CFAP206: variants seen among roughly 807,000 people sequenced by gnomAD.
CFAP206 encodes cilia and flagella associated protein 206.
A neutral mutation model predicts 65.4 loss-of-function variants in CFAP206; 53 were observed. The ratio of observed to expected loss-of-function variants is 0.81; its 90% CI spans 0.65 to 1.02. CFAP206 has a LOEUF of 1.02. Ranked by LOEUF, CFAP206 falls within the 50% of genes least tolerant of loss-of-function variation. CFAP206 has a pLI of 0.00. For missense variants in CFAP206, 663 were observed against 753.2 expected (o/e 0.88, Z 1.40); for synonymous variants, 250 against 254.4 (o/e 0.98, Z 0.17).
intron 2 of CFAP206, 71 bp downstream of exon 2, chr6:87,410,018 T>A (rs6915562): frequency 2.0e-6 from 2 of 1,014,746 alleles, no homozygotes; most frequent in East Asian, 2.5e-5. Context: ...CATTTTCCCC[T>A]TTAAATTCTG....
intron 3 of CFAP206, among the ~76,000 whole-genome samples, chr6:87,411,869 C>A (rs540808042): frequency 6.6e-6 from 1 of 152,262 alleles, no homozygotes; most frequent in East Asian, 1.9e-4. Context: ...CAATGAGATA[C>A]AATCTTACAC....
Position 87,408,428 on chromosome 6 carries a change from T to A in CFAP206, c.-6+339T>A, listed in dbSNP as rs1016656380. 5 of 152,278 alleles carry A rather than the reference T, an allele frequency of 3.3e-5. 1 individual carries two copies. Among genetic ancestry groups the A allele is most frequent in the Non-Finnish European group, 5.9e-5 (4 of 68,062 alleles). 9.4% of individuals were successfully genotyped at this position (152,278 alleles called of 1,614,324 possible). On this transcript the variant is annotated intron_variant, in intron 1 of 12. Transcript: ENST00000369562. ...GGTGCAGGGAAGGTGCTGAGCCGCGTCCCTAGCGACCCGGCAGCGGCGCGC... is the reference window on the plus strand; with the variant it reads ...GGTGCAGGGAAGGTGCTGAGCCGCGACCCTAGCGACCCGGCAGCGGCGCGC...
At chr6:87,422,765 A>C (rs1413517294) in intron 7 of CFAP206, among the ~76,000 whole-genome samples, 4 of 151,012 alleles carry the variant, frequency 2.6e-5, no homozygotes, top group Non-Finnish European at 5.9e-5. Context: ...AAAAAAAAAC[A>C]AAACAAACAA....
intron 11 of CFAP206, among the ~76,000 whole-genome samples, chr6:87,454,064 A>G (rs531019688): frequency 3.1e-4 from 47 of 152,324 alleles, no homozygotes; most frequent in African/African-American, 1.1e-3. Context: ...CATGCAAATG[A>G]AAACCAAAAA....
intron 7 of CFAP206, 143 bp downstream of exon 7, chr6:87,418,559 C>A: frequency 3.0e-6 from 2 of 656,726 alleles, no homozygotes; most frequent in East Asian, 2.7e-5. Flanking sequence ...AGTTAGGAAT[C>A]AAAATAGAAA....
At chr6:87,448,075 A>G (rs755891574) in intron 11 of CFAP206, among the ~76,000 whole-genome samples, 1 of 151,378 alleles carries the variant, frequency 6.6e-6, no homozygotes, top group Non-Finnish European at 1.5e-5. Context: ...TATCTACATT[A>G]TGTGTTTCTC....
intron 9 of CFAP206, among the ~76,000 whole-genome samples, chr6:87,430,124 C>T (rs1230596829): frequency 6.6e-6 from 1 of 152,100 alleles, no homozygotes; most frequent in East Asian, 1.9e-4. Context: ...CAGTGTTGTT[C>T]TAAAAGAATT....
chr6:87,440,998 C>T (rs1374312229), intron 11 of CFAP206, among the ~76,000 whole-genome samples: 1 of 152,124 alleles, frequency 6.6e-6, no homozygotes, highest in Non-Finnish European at 1.5e-5. Flanking sequence ...TAGTATGTAG[C>T]TCTTTGATAT....
intron 8 of CFAP206, among the ~76,000 whole-genome samples, chr6:87,428,124 A>G (rs1231334329): frequency 6.6e-6 from 1 of 150,794 alleles, no homozygotes; most frequent in Non-Finnish European, 1.5e-5. Flanking sequence ...GGTAGCTGGG[A>G]TTGTAGGTGC....
chr6:87,461,172 A>G lies in CFAP206; in HGVS notation c.1638+7A>G, dbSNP rs1768741655. ...AAGAAAAGCTATAAAATTGGTTTGT[A>G]ACAATACTTTCTAGAATTATTTATA... On this transcript the variant is annotated splice_region_variant and intron_variant, in intron 12 of 12. Coordinates refer to ENST00000369562, the MANE Select transcript of CFAP206 (RefSeq NM_001031743.3). The G allele has an allele frequency of 1.3e-6, 2 of 1,529,206 alleles. No individual in the cohort carries two copies. Among genetic ancestry groups the G allele is most frequent in the African/African-American group, 1.4e-5 (1 of 70,044 alleles). 94.7% of individuals were successfully genotyped at this position (1,529,206 alleles called of 1,614,324 possible). A position where few individuals can be genotyped will look rare whatever the true frequency, so the allele number is the denominator to read the frequency against.
intron 1 of CFAP206, chr6:87,408,858 T>C (rs1767675891): frequency 6.6e-6 from 1 of 152,260 alleles, no homozygotes; most frequent in African/African-American, 2.4e-5. Context: ...TAGTGCTTCG[T>C]ACTCATCCAT....
At chr6:87,420,422 T>C (rs1215008765) in intron 7 of CFAP206, among the ~76,000 whole-genome samples, 1 of 152,228 alleles carries the variant, frequency 6.6e-6, no homozygotes, top group African/African-American at 2.4e-5. Flanking sequence ...GCGTTCTACT[T>C]CTCACAGCTG....
chr6:87,434,906 A>C lies in CFAP206; in HGVS notation c.1347A>C (p.Thr449=). The C allele has an allele frequency of 6.6e-7, 1 of 1,512,606 alleles. No individual in the cohort carries two copies. Among genetic ancestry groups the C allele is most frequent in the Non-Finnish European group, 9.1e-7 (1 of 1,103,706 alleles). 93.7% of individuals were successfully genotyped at this position (1,512,606 alleles called of 1,614,324 possible). The stretch of plus-strand genomic sequence containing the variant: ...TAAAATATAAAGAAAAATATTACAC[A>C]TTCAATAGTAAAGATGCTGCATATT... ...GILKYKEKYY[T]FNSKDAAYSF... The change falls in exon 11 of 13, where the codon ACA becomes ACC. Residue 449 remains threonine, a synonymous_variant. Coordinates refer to ENST00000369562, the MANE Select transcript of CFAP206 (RefSeq NM_001031743.3).
rs1350592896 is a variant in CFAP206, at chr6:87,461,069, AAGT to A, written c.1545_1547del (p.Ser516del). On this transcript the variant is annotated inframe_deletion, in exon 12 of 13. Transcript: ENST00000369562. The stretch of plus-strand genomic sequence containing the variant: ...ATATAAAACCAATTACAAAATGTGA[AAGT>A]AGCACACAGACGAATACACACATAC... 4.4e-6 allele frequency: 7 copies of A among 1,590,716 alleles called. No homozygotes were observed. Among genetic ancestry groups the A allele is most frequent in the Admixed American group, 3.7e-5 (2 of 54,502 alleles).
Position 87,428,631 on chromosome 6 carries a change from C to A in CFAP206, c.966C>A (p.Ile322=). The part of the protein sequence containing the change: ...IAVPTSQVFP[I]FIALSTLWTS... ...ATTTTTTTTCTCTTCCTCAGCCTAT[C>A]TTCATTGCACTTTCTACTCTGTGGA... The change falls in exon 9 of 13, where the codon ATC becomes ATA. Residue 322 remains isoleucine (I), a synonymous_variant. Coordinates refer to ENST00000369562, the MANE Select transcript of CFAP206 (RefSeq NM_001031743.3). The A allele has an allele frequency of 6.2e-7, 1 of 1,613,954 alleles. No individual in the cohort carries two copies. Among genetic ancestry groups the A allele is most frequent in the Non-Finnish European group, 8.5e-7 (1 of 1,179,912 alleles).
In CFAP206 at chr6:87,435,054, G is replaced by A; in HGVS notation, c.1494+1G>A. The stretch of plus-strand genomic sequence containing the variant: ...TGAAACATTTATTCCATATTCTCAG[G>A]TAAGCAGGGTCAATATTTTATGAAT... On this transcript the variant is annotated splice_donor_variant, in intron 11 of 12. Coordinates refer to ENST00000369562, the MANE Select transcript of CFAP206 (RefSeq NM_001031743.3). LOFTEE classifies it high-confidence loss of function. 4 of 1,553,708 alleles carry A rather than the reference G, an allele frequency of 2.6e-6. No individual in the cohort carries two copies. The highest frequency in any genetic ancestry group is 2.6e-6 in the Non-Finnish European group (3 of 1,144,490).
At chr6:87,410,156 T>C (rs757960556) in intron 2 of CFAP206, among the ~76,000 whole-genome samples, 13 of 152,228 alleles carry the variant, frequency 8.5e-5, no homozygotes, top group Non-Finnish European at 1.9e-4. Flanking sequence ...AAGACCTTGA[T>C]GAGTTTTGGA....
intron 11 of CFAP206, among the ~76,000 whole-genome samples, chr6:87,449,391 C>T (rs545171004): frequency 7.1e-5 from 10 of 141,758 alleles, no homozygotes; most frequent in Non-Finnish European, 9.0e-5. Flanking sequence ...GAGCCGAGAT[C>T]GCACCACTGC....
At chr6:87,430,925 A>AAAAATT in intron 9 of CFAP206, 108 bp from the exon 10 acceptor site, 1 of 1,033,766 alleles carries the variant, frequency 9.7e-7, no homozygotes, top group Non-Finnish European at 1.4e-6. Flanking sequence ...CATCGGGAAA[A>AAAAATT]GTACAAAGCA....
Sources: gnomAD v4.1 joint callset for allele counts (sites outside exome capture counted in the v4.1 genomes callset) on GRCh38, gnomAD v4.1.1 for gene constraint, MANE v1.5 for transcripts, NCBI Gene and HGNC (gene_info 2026-07-23, HGNC 2026-07-21) for gene names.